The following ATP2B2 variants were observed in gnomAD, a reference collection of about 807,000 sequenced individuals.
ATP2B2 encodes plasma membrane calcium-transporting ATPase 2.
A neutral mutation model predicts 120.0 loss-of-function variants in ATP2B2; 15 were observed. That is an observed-to-expected ratio of 0.12 (90% CI 0.08 to 0.19). ATP2B2 has a LOEUF of 0.19. ATP2B2 is among the 10% of genes least tolerant of loss of function. The pLI is 1.00. For missense variants in ATP2B2, 1,045 were observed against 1,719.8 expected, an observed-to-expected ratio of 0.61 and a Z score of 6.94; for synonymous variants, 694 against 700.3, an observed-to-expected ratio of 0.99 and a Z score of 0.14.
intron 14 of ATP2B2, among the ~76,000 whole-genome samples, chr3:10,352,408 G>A (rs2060604127): frequency 6.6e-6 from 1 of 152,254 alleles, no homozygotes. Context: ...TCTGAGCGTG[G>A]CTGTCTTGTG....
At chr3:10,468,333 G>A (rs928095616) in intron 1 of ATP2B2, among the ~76,000 whole-genome samples, 1 of 152,236 alleles carries the variant, frequency 6.6e-6, no homozygotes, top group Non-Finnish European at 1.5e-5. Flanking sequence ...GGGTGTGAGG[G>A]GTGGGAAGCA....
At chr3:10,358,273 AT>A (rs2060797854) in intron 14 of ATP2B2, among the ~76,000 whole-genome samples, 1 of 152,100 alleles carries the variant, frequency 6.6e-6, no homozygotes, top group East Asian at 1.9e-4. Context: ...TGCCCTTGCT[AT>A]TGGGTGTGTC....
In ATP2B2 at chr3:10,400,988, C is replaced by T. The variant is rs200591536; in HGVS notation, c.746G>A (p.Arg249His). ...CATGGGGTCCTTGTCCACGGACTTGCGCACCTGGTCAGACTCTCCAGTTAG... is the reference window on the plus strand; with the variant it reads ...CATGGGGTCCTTGTCCACGGACTTGTGCACCTGGTCAGACTCTCCAGTTAG... ...SSLTGESDQV[R>H]KSVDKDPMLL... The change falls in exon 5 of 23, where the codon CGC becomes CAC. Residue 249 changes from arginine (R) to histidine (H), a missense_variant. Physicochemically the swap from Arg to His is conservative, Grantham distance 29. This residue lies in a region of ATP2B2 where 145 missense variants were observed against 202.0 expected (regional missense o/e 0.72). Transcript: ENST00000360273. The T allele has an allele frequency of 5.6e-5, 90 of 1,613,998 alleles. No individual in the cohort carries two copies. The highest frequency in any genetic ancestry group is 7.3e-5 in the Non-Finnish European group (86 of 1,180,012).
At chr3:10,610,302 G>C (rs76845817) in intron 2 of ATP2B2, among the ~76,000 whole-genome samples, 6,249 of 151,870 alleles carry the variant, frequency 0.041, 198 homozygotes, top group South Asian at 0.083. Flanking sequence ...AAATGGGTTG[G>C]AAGAAAGTGC....
intron 8 of ATP2B2, 71 bp downstream of exon 8, chr3:10,385,197 A>G: frequency 6.8e-7 from 1 of 1,479,550 alleles, no homozygotes; most frequent in Non-Finnish European, 9.4e-7. Context: ...AAGGAAAGAA[A>G]GCCCAAAGTT....
intron 11 of ATP2B2, 132 bp from the exon 12 acceptor site, chr3:10,372,183 T>C: frequency 7.7e-7 from 1 of 1,302,968 alleles, no homozygotes; most frequent in South Asian, 1.3e-5. Context: ...CTTCCGGCAC[T>C]TGTAAAGGAT....
intron 1 of ATP2B2, among the ~76,000 whole-genome samples, chr3:10,674,202 C>T (rs555657747): frequency 6.4e-4 from 98 of 152,264 alleles, no homozygotes; most frequent in African/African-American, 2.3e-3. Context: ...TTTCCCCTCT[C>T]CCTTTGGGAA....
intron 1 of ATP2B2, among the ~76,000 whole-genome samples, chr3:10,650,390 T>A (rs2125664547): frequency 6.6e-6 from 1 of 152,280 alleles, no homozygotes; most frequent in East Asian, 1.9e-4. Context: ...CAGAAGAAAT[T>A]TCTAAGCAGC....
intron 1 of ATP2B2, among the ~76,000 whole-genome samples, chr3:10,620,587 G>A (rs113192725): frequency 1.4e-3 from 218 of 152,260 alleles, no homozygotes; most frequent in Middle Eastern, 3.4e-3. Context: ...CCCTAGTCCC[G>A]AAGGAGATGG....
intron 1 of ATP2B2, among the ~76,000 whole-genome samples, chr3:10,661,571 T>C (rs550535313): frequency 1.6e-4 from 24 of 152,290 alleles, no homozygotes; most frequent in East Asian, 7.7e-4. Flanking sequence ...CAAGGAGAAC[T>C]ACAAACCACT....
At chr3:10,441,521 C>G (rs940978130) in intron 2 of ATP2B2, among the ~76,000 whole-genome samples, 1 of 152,278 alleles carries the variant, frequency 6.6e-6, no homozygotes, top group Non-Finnish European at 1.5e-5. Context: ...ATTACTGGTG[C>G]GAGCCACTGC....
At chr3:10,568,784 T>C (rs1454153865) in intron 2 of ATP2B2, among the ~76,000 whole-genome samples, 1 of 152,152 alleles carries the variant, frequency 6.6e-6, no homozygotes, top group East Asian at 1.9e-4. Context: ...TGTCTTTCTG[T>C]TTGCCTGGTT....
chr3:10,658,590 T>C (rs1332305851), intron 1 of ATP2B2, among the ~76,000 whole-genome samples: 1 of 152,176 alleles, frequency 6.6e-6, no homozygotes, highest in Non-Finnish European at 1.5e-5. Context: ...AATATGGGAC[T>C]ATGTGAAAAG....
intron 22 of ATP2B2, 88 bp downstream of exon 22, chr3:10,338,088 G>A: frequency 6.4e-7 from 1 of 1,568,864 alleles, no homozygotes; most frequent in Non-Finnish European, 8.7e-7. Flanking sequence ...CCAGAGCTGG[G>A]CCCTGGGGGG....
At chr3:10,679,761 G>A (rs2071336883) in intron 1 of ATP2B2, among the ~76,000 whole-genome samples, 1 of 152,202 alleles carries the variant, frequency 6.6e-6, no homozygotes, top group African/African-American at 2.4e-5. Flanking sequence ...ATAATGAGCT[G>A]CAGAAAGATA....
At chr3:10,651,934 T>A (rs2070478402) in intron 1 of ATP2B2, among the ~76,000 whole-genome samples, 1 of 152,204 alleles carries the variant, frequency 6.6e-6, no homozygotes, top group South Asian at 2.1e-4. Context: ...GGTGCTGTCT[T>A]CTGATGCCCA....
chr3:10,697,047 G>A (rs1271817973), intron 1 of ATP2B2, among the ~76,000 whole-genome samples: 3 of 152,158 alleles, frequency 2.0e-5, no homozygotes, highest in African/African-American at 7.2e-5. Context: ...TTTCCCTAAG[G>A]TCACATAGCT....
At chr3:10,394,133 G>A (rs2061950209) in intron 5 of ATP2B2, among the ~76,000 whole-genome samples, 1 of 152,104 alleles carries the variant, frequency 6.6e-6, no homozygotes, top group Non-Finnish European at 1.5e-5. Context: ...CCTGGATAGG[G>A]AGAGGGGAGA....
intron 3 of ATP2B2, among the ~76,000 whole-genome samples, chr3:10,405,177 T>C (rs1224570963): frequency 6.6e-6 from 1 of 152,200 alleles, no homozygotes; most frequent in Non-Finnish European, 1.5e-5. Flanking sequence ...ACATGATAGA[T>C]ACATGGTAAA....
Sources: allele counts gnomAD v4.1 joint callset (sites outside exome capture counted in the v4.1 genomes callset), GRCh38; gene constraint gnomAD v4.1.1; regional missense constraint gnomAD v4.1.1; transcripts MANE v1.5; gene names NCBI Gene and HGNC (gene_info 2026-07-23, HGNC 2026-07-21).